The following RPS6KC1 variants were observed in gnomAD, a reference collection of about 807,000 sequenced individuals.
The protein encoded by RPS6KC1 is ribosomal protein S6 kinase C1, also known as inactive ribosomal protein S6 kinase delta-1.
A neutral mutation model predicts 103.8 loss-of-function variants in RPS6KC1; 54 were observed. The ratio of observed to expected loss-of-function variants is 0.52; its 90% CI spans 0.42 to 0.65. The LOEUF (loss-of-function observed/expected upper bound fraction) is 0.65. Among genes scored for constraint, RPS6KC1 ranks in the 30% least tolerant of loss-of-function variants. RPS6KC1 has a pLI of 0.00. For synonymous variants in RPS6KC1, 439 were observed against 438.7 expected (o/e 1.00, Z -0.01); for missense variants, 1,151 against 1,253.8 (o/e 0.92, Z 1.24).
chr1:213,812,966 A>G, the RPS6KC1 span, among the ~76,000 whole-genome samples: 1 of 152,226 alleles, frequency 6.6e-6, no homozygotes. Context: ...ATGGCTAAAG[A>G]TGTCGGCCGG....
the RPS6KC1 span, among the ~76,000 whole-genome samples, chr1:213,505,055 A>G: frequency 1.3e-5 from 2 of 152,122 alleles, no homozygotes; most frequent in Non-Finnish European, 2.9e-5. Flanking sequence ...ATGAAAGCCC[A>G]GTGTTTGTCA....
chr1:213,150,770 CCTTT>C (rs1408325232), intron 6 of RPS6KC1, among the ~76,000 whole-genome samples: 34 of 152,384 alleles, frequency 2.2e-4, no homozygotes, highest in Admixed American at 7.2e-4. Context: ...ACCTTTCCTG[CCTTT>C]CTATTCCACA....
chr1:213,777,631 T>C, the RPS6KC1 span, among the ~76,000 whole-genome samples: 2 of 152,190 alleles, frequency 1.3e-5, no homozygotes, highest in East Asian at 3.9e-4. Context: ...AAATCTTCAT[T>C]TGTGAAAGAA....
chr1:213,138,770 T>C (rs1166811404), intron 6 of RPS6KC1, among the ~76,000 whole-genome samples: 1 of 152,224 alleles, frequency 6.6e-6, no homozygotes, highest in Non-Finnish European at 1.5e-5. Flanking sequence ...GATGGGCATC[T>C]AGCTTGATTC....
the RPS6KC1 span, among the ~76,000 whole-genome samples, chr1:213,507,435 T>A: frequency 6.6e-6 from 1 of 151,878 alleles, no homozygotes; most frequent in Non-Finnish European, 1.5e-5. Context: ...ACTCAGGTGG[T>A]AGCAAGAGGC....
chr1:213,444,841 C>T, the RPS6KC1 span, among the ~76,000 whole-genome samples: 11 of 151,158 alleles, frequency 7.3e-5, no homozygotes, highest in Admixed American at 5.9e-4. Flanking sequence ...TCTTTTTAAA[C>T]TGCTTTATTA....
the RPS6KC1 span, among the ~76,000 whole-genome samples, chr1:213,515,770 G>A: frequency 6.6e-6 from 1 of 152,152 alleles, no homozygotes; most frequent in South Asian, 2.1e-4. Context: ...TGTGAAGAAA[G>A]TCACTGGTAG....
the RPS6KC1 span, among the ~76,000 whole-genome samples, chr1:213,433,522 G>A: frequency 1.9e-3 from 292 of 152,318 alleles, no homozygotes; most frequent in African/African-American, 6.9e-3. Flanking sequence ...GGATCATACG[G>A]TGTGTGTTTA....
chr1:213,706,322 A>G, the RPS6KC1 span, among the ~76,000 whole-genome samples: 1 of 152,182 alleles, frequency 6.6e-6, no homozygotes, highest in Non-Finnish European at 1.5e-5. Flanking sequence ...TTCTGTGGGC[A>G]GGCATCAGCT....
chr1:213,216,643 TA>T (rs1271280612), intron 8 of RPS6KC1, among the ~76,000 whole-genome samples: 1 of 152,134 alleles, frequency 6.6e-6, no homozygotes. Flanking sequence ...TCAGCAAATG[TA>T]AAAGAACAGA....
the RPS6KC1 span, among the ~76,000 whole-genome samples, chr1:213,704,742 G>A: frequency 6.6e-6 from 1 of 152,122 alleles, no homozygotes; most frequent in South Asian, 2.1e-4. Flanking sequence ...TCTCAGTCTG[G>A]GTTTGTTTGT....
At chr1:213,083,155 C>G (rs2080058642) in intron 3 of RPS6KC1, among the ~76,000 whole-genome samples, 1 of 152,096 alleles carries the variant, frequency 6.6e-6, no homozygotes, top group Admixed American at 6.5e-5. Context: ...AAAAGCAGTA[C>G]AAAGTGAAAA....
At chr1:213,524,025 A>G in the RPS6KC1 span, among the ~76,000 whole-genome samples, 1 of 152,130 alleles carries the variant, frequency 6.6e-6, no homozygotes, top group African/African-American at 2.4e-5. Context: ...GGTGACTCCC[A>G]AAGAGCATAG....
chr1:213,486,005 C>T, the RPS6KC1 span, among the ~76,000 whole-genome samples: 22 of 152,288 alleles, frequency 1.4e-4, no homozygotes, highest in Non-Finnish European at 2.8e-4. Flanking sequence ...GCCCTTGCTG[C>T]TGTTTCTGGG....
the RPS6KC1 span, among the ~76,000 whole-genome samples, chr1:213,572,066 C>T: frequency 6.6e-6 from 1 of 152,206 alleles, no homozygotes; most frequent in Non-Finnish European, 1.5e-5. Context: ...ATGGATAACA[C>T]TGTCTCGAGG....
At chr1:213,283,968 G>A in the RPS6KC1 span, among the ~76,000 whole-genome samples, 4 of 151,946 alleles carry the variant, frequency 2.6e-5, no homozygotes, top group South Asian at 8.3e-4. Context: ...TCAACATTAA[G>A]TGCCACTCAA....
chr1:213,118,284 A>T (rs559666784), intron 5 of RPS6KC1, among the ~76,000 whole-genome samples: 2 of 152,164 alleles, frequency 1.3e-5, no homozygotes, highest in East Asian at 3.9e-4. Flanking sequence ...GGATTTCTGT[A>T]ACTAGTTTTT....
chr1:213,488,030 G>A, the RPS6KC1 span, among the ~76,000 whole-genome samples: 2 of 152,182 alleles, frequency 1.3e-5, no homozygotes, highest in Admixed American at 6.5e-5. Context: ...TACTCCAGGT[G>A]GCCTTCTTGA....
At position 213,080,951 on chromosome 1, in the gene RPS6KC1, A is replaced by G. The variant is rs564641885; in HGVS notation, c.262+3135A>G. Among the ~76,000 whole-genome samples, 8 of 152,356 alleles carry G rather than the reference A, an allele frequency of 5.3e-5. No homozygotes were observed. The East Asian group carries it at 5.8e-4, about 11-fold the overall frequency. On this transcript the variant is annotated intron_variant, in intron 3 of 14. Coordinates refer to ENST00000366960, the MANE Select transcript of RPS6KC1 (RefSeq NM_012424.6). ...ATTACATTTTGTTCTGCAAGGTTCA[A>G]TTGTTACAATTACTGTGCCAACATA...
Sources: allele counts gnomAD v4.1 joint callset (sites outside exome capture counted in the v4.1 genomes callset), GRCh38; gene constraint gnomAD v4.1.1; transcripts MANE v1.5; gene names NCBI Gene and HGNC (gene_info 2026-07-23, HGNC 2026-07-21).